The following MYO7A variants were observed in gnomAD, a reference collection of about 807,000 sequenced individuals.
The protein encoded by MYO7A is unconventional myosin-VIIa.
Under a neutral mutation model 263.8 loss-of-function variants are expected in MYO7A, and 210 were observed. The ratio of observed to expected loss-of-function variants is 0.80; its 90% CI spans 0.71 to 0.89. The LOEUF (loss-of-function observed/expected upper bound fraction) is 0.89. Among genes scored for constraint, MYO7A ranks in the 40% least tolerant of loss-of-function variants. MYO7A has a pLI of 0.00. For synonymous variants in MYO7A, 1,239 were observed against 1,197.3 expected, an observed-to-expected ratio of 1.03 and a Z score of -0.72; for missense variants, 2,820 against 2,968.3, an observed-to-expected ratio of 0.95 and a Z score of 1.16.
Position 77,203,143 on chromosome 11 carries a change from C to T in MYO7A, c.5252C>T (p.Pro1751Leu), listed in dbSNP as rs746296177. ...CGGCTGTGGAGCCACACGCGGGAAC[C>T]GCTCAAGCAGGCGCTGCTCAAGAAG... ...KDRLWSHTRE[P>L]LKQALLKKLL... Residue 1751 changes from proline (P) to leucine (L), a missense_variant, in exon 38 of 49, where the codon CCG (proline) becomes CTG (leucine). Coordinates refer to ENST00000409709, the MANE Select transcript of MYO7A (RefSeq NM_000260.4). The T allele has an allele frequency of 1.4e-5, 22 of 1,550,836 alleles. No homozygotes were observed. Among genetic ancestry groups the T allele is most frequent in the Non-Finnish European group, 1.9e-5 (22 of 1,148,006 alleles).
In MYO7A at chr11:77,142,806, T is replaced by C; in HGVS notation, c.116T>C (p.Val39Ala). Residue 39 changes from valine to alanine, a missense_variant, in exon 3 of 49, where the codon GTG (valine) becomes GCG (alanine). By Grantham distance (64) the Val-to-Ala change is moderately conservative. Transcript: ENST00000409709. Reference sequence around the variant, plus strand: ...TGCGACTCTGGGCAGGTCCAGGTGGTGGATGATGAAGACAATGTGAGTAGT... The same window carrying C: ...TGCGACTCTGGGCAGGTCCAGGTGGCGGATGATGAAGACAATGTGAGTAGT... ...KLCDSGQVQV[V>A]DDEDNEHWIS... The C allele has an allele frequency of 6.2e-7, 1 of 1,608,118 alleles. No individual in the cohort carries two copies. The highest frequency in any genetic ancestry group is 1.1e-5 in the South Asian group (1 of 89,294).
At chr11:77,200,741 C>G (rs1031363774) in intron 35 of MYO7A, among the ~76,000 whole-genome samples, 1 of 152,270 alleles carries the variant, frequency 6.6e-6, no homozygotes, top group Non-Finnish European at 1.5e-5. Flanking sequence ...TCTTCTCCCT[C>G]CCTTCTTCTG....
intron 20 of MYO7A, 46 bp downstream of exon 20, chr11:77,179,175 CCAG>C: frequency 6.6e-7 from 1 of 1,522,604 alleles, no homozygotes; most frequent in Non-Finnish European, 8.9e-7. Flanking sequence ...GCCTTTGAAC[CCAG>C]CCTTGCTGCC....
chr11:77,183,190 G>C lies in MYO7A; in HGVS notation c.3375+33G>C, dbSNP rs948972. The C allele has an allele frequency of 0.55, 853,862 of 1,542,458 alleles. 239,865 individuals are homozygous for C. The highest frequency in any genetic ancestry group is 0.71 in the African/African-American group (51,683 of 72,922). Reference sequence around the variant, plus strand: ...CAGACGCTGGGGGTCTGGCAGCCCAGGGGTGGCTGCCTTAGGTGGCCTAGG... The same window carrying C: ...CAGACGCTGGGGGTCTGGCAGCCCACGGGTGGCTGCCTTAGGTGGCCTAGG... On this transcript the variant is annotated intron_variant, in intron 26 of 48. Coordinates refer to ENST00000409709, the MANE Select transcript of MYO7A (RefSeq NM_000260.4).
intron 43 of MYO7A, 39 bp from the exon 44 acceptor site, chr11:77,208,658 G>A (rs1406528018): frequency 1.3e-6 from 2 of 1,527,346 alleles, no homozygotes. Context: ...ACTCCTCTGT[G>A]CAGGGACCCT....
Position 77,184,520 on chromosome 11 carries a change from T to C in MYO7A, c.3376-68T>C, listed in dbSNP as rs1315714580. On this transcript the variant is annotated intron_variant, in intron 26 of 48. Coordinates refer to ENST00000409709, the MANE Select transcript of MYO7A (RefSeq NM_000260.4). ...TTTCTGGGGAGCAGGCAGCCTCGGG[T>C]GCTGGTGCCCTGGCTGGCAGGGGAA... 2.1e-6 allele frequency: 3 copies of C among 1,404,870 alleles called. No homozygotes were observed. In the African/African-American group the frequency reaches 4.3e-5, roughly 20 times the overall value. 87.0% of individuals were successfully genotyped at this position (1,404,870 alleles called of 1,614,324 possible).
At position 77,212,985 on chromosome 11, in the gene MYO7A, C is replaced by T. The variant is rs2135798892; in HGVS notation, c.6388C>T (p.Leu2130=). 1 of 1,596,192 alleles carries T rather than the reference C, an allele frequency of 6.3e-7. No homozygotes were observed. Among genetic ancestry groups the T allele is most frequent in the Non-Finnish European group, 8.5e-7 (1 of 1,170,960 alleles). The change falls in exon 47 of 49, where the codon CTA becomes TTA. Residue 2130 remains leucine, a synonymous_variant. Transcript: ENST00000409709. ...TTEPNFPEIL[L]IAINKYGVSL... Reference sequence around the variant, plus strand: ...GGAGCCAAACTTCCCTGAGATCCTCCTAATTGCCATCAACAAGTATGGGGT... The same window carrying T: ...GGAGCCAAACTTCCCTGAGATCCTCTTAATTGCCATCAACAAGTATGGGGT...
At chr11:77,213,395 C>T (rs7118943) in intron 47 of MYO7A, among the ~76,000 whole-genome samples, 29,062 of 152,236 alleles carry the variant, frequency 0.19, 3,697 homozygotes, top group Non-Finnish European at 0.27. Flanking sequence ...CCAGAGGGTC[C>T]GACTGGACAG....
At chr11:77,136,482 C>A (rs1488309994) in intron 2 of MYO7A, among the ~76,000 whole-genome samples, 1 of 152,190 alleles carries the variant, frequency 6.6e-6, no homozygotes, top group Non-Finnish European at 1.5e-5. Flanking sequence ...ACTTTACAAT[C>A]TCTTCCCTCT....
rs550895974 is a variant in MYO7A, at chr11:77,131,936, G to A, written c.18+1284G>A. On this transcript the variant is annotated intron_variant, in intron 2 of 48. Transcript: ENST00000409709. Reference sequence around the variant, plus strand: ...GCTATTGATGAGTGGGAGGGCCTTGGGCACGTTACTCAGCCTTCCTGAGCC... The same window carrying A: ...GCTATTGATGAGTGGGAGGGCCTTGAGCACGTTACTCAGCCTTCCTGAGCC... Among the ~76,000 whole-genome samples, 4 of 152,318 alleles carry A rather than the reference G, an allele frequency of 2.6e-5. No homozygotes were observed. The South Asian group carries it at 8.3e-4, about 32-fold the overall frequency.
At chr11:77,184,906 G>A in intron 27 of MYO7A, 191 bp downstream of exon 27, 1 of 1,000,670 alleles carries the variant, frequency 1.0e-6, no homozygotes, top group Non-Finnish European at 1.5e-6. Flanking sequence ...CTGTAAAGGG[G>A]GAATCCTAAA....
At chr11:77,208,908 C>T (rs1187967768) in intron 44 of MYO7A, 105 bp downstream of exon 44, 5 of 906,346 alleles carry the variant, frequency 5.5e-6, no homozygotes, top group African/African-American at 3.3e-5. Context: ...GGGCCCGTAC[C>T]AGCCTGGCCT....
At chr11:77,214,244 C>T (rs1958029856) in intron 48 of MYO7A, among the ~76,000 whole-genome samples, 1 of 152,176 alleles carries the variant, frequency 6.6e-6, no homozygotes, top group Non-Finnish European at 1.5e-5. Flanking sequence ...ACTGTGACAG[C>T]CCTTTAGCCC....
At chr11:77,174,989 T>A (rs1383825866) in intron 17 of MYO7A, 75 bp downstream of exon 17, 2 of 1,568,006 alleles carry the variant, frequency 1.3e-6, no homozygotes, top group Admixed American at 1.7e-5. Context: ...AATTTTCTTA[T>A]CAGGACCATG....
rs578230210 is a variant in MYO7A, at chr11:77,201,650, G to T, written c.5043+12G>T. 1.6e-5 allele frequency: 25 copies of T among 1,609,804 alleles called. No individual in the cohort carries two copies. In the South Asian group the frequency reaches 2.6e-4, roughly 17 times the overall value. On this transcript the variant is annotated intron_variant, in intron 36 of 48. Transcript: ENST00000409709. The stretch of plus-strand genomic sequence containing the variant: ...CGCGGGAGATTGTGGTATGTGGCCT[G>T]GGGGTGGCAGATGGGTGGGAGGTGC...
chr11:77,178,093 T>A (rs187746634), intron 19 of MYO7A, among the ~76,000 whole-genome samples: 1 of 151,398 alleles, frequency 6.6e-6, no homozygotes, highest in East Asian at 2.0e-4. Flanking sequence ...CTGCAAAAAT[T>A]CCACAATGCA....
At position 77,138,848 on chromosome 11, in the gene MYO7A, C is replaced by T. The variant is rs1335278108; in HGVS notation, c.19-3861C>T. ...CTAGCAAGATGCTTGGCTCACGTTT[C>T]CCATCTGTGAAAATGGGGTGATAAA... is the stretch of plus-strand genomic sequence containing the variant. On this transcript the variant is annotated intron_variant, in intron 2 of 48. Transcript: ENST00000409709. This position sits in a 1 kb window ranked among gnomAD's most constrained non-coding sequence, Gnocchi z 4.9. Among the ~76,000 whole-genome samples, 1 of 152,224 alleles carries T rather than the reference C, an allele frequency of 6.6e-6. No individual in the cohort carries two copies. The highest frequency in any genetic ancestry group is 6.5e-5 in the Admixed American group (1 of 15,284).
In MYO7A at chr11:77,142,822, T is replaced by C. The variant is rs782722303; in HGVS notation, c.132T>C (p.Asn44=). The change falls in exon 3 of 49, where the codon AAT becomes AAC. Residue 44 remains asparagine, a splice_region_variant and synonymous_variant. Transcript: ENST00000409709. ...TCCAGGTGGTGGATGATGAAGACAA[T>C]GTGAGTAGTCCCCTCCCTCCTCCTG... ...GQVQVVDDED[N]EHWISPQNAT... 6 of 1,600,096 alleles carry C rather than the reference T, an allele frequency of 3.7e-6. No individual in the cohort carries two copies. The East Asian group carries it at 9.0e-5, about 24-fold the overall frequency.
In MYO7A at chr11:77,158,531, C is replaced by T. The variant is rs562117641; in HGVS notation, c.1003+101C>T. The T allele has an allele frequency of 2.9e-4, 396 of 1,380,446 alleles. No homozygotes were observed. In the African/African-American group the frequency reaches 5.0e-3, roughly 17 times the overall value. The allele number at this position is 1,380,446 out of a possible 1,614,324, so 85.5% of individuals were successfully genotyped here. On this transcript the variant is annotated intron_variant, in intron 9 of 48. Transcript: ENST00000409709. The stretch of plus-strand genomic sequence containing the variant: ...TGGCAGCTCAGTTTCTGTCCTAGCA[C>T]GTGCCCTCTTTGGGATGGAAGCTGG...
Sources: allele counts gnomAD v4.1 joint callset (sites outside exome capture counted in the v4.1 genomes callset), GRCh38; gene constraint gnomAD v4.1.1; non-coding constraint Gnocchi (gnomAD v3.1); transcripts MANE v1.5; gene names NCBI Gene and HGNC (gene_info 2026-07-23, HGNC 2026-07-21).